The following GPC5 variants were observed in gnomAD, a reference collection of about 807,000 sequenced individuals.
The protein encoded by GPC5 is glypican 5.
A neutral mutation model predicts 53.9 loss-of-function variants in GPC5; 47 were observed. The observed-to-expected ratio is 0.87, with a 90% CI of 0.69 to 1.11. The LOEUF is 1.11. Ranked by LOEUF, GPC5 falls within the 50% of genes most tolerant of loss-of-function variation. The probability of loss-of-function intolerance (pLI) is 0.00; values close to 1 mark genes in which losing one functional copy is unlikely to be tolerated. For synonymous variants in GPC5, 286 were observed against 263.3 expected, an observed-to-expected ratio of 1.09 and a Z score of -0.84; for missense variants, 748 against 713.1, an observed-to-expected ratio of 1.05 and a Z score of -0.56.
chr13:92,189,354 T>G (rs1481093878), intron 7 of GPC5, among the ~76,000 whole-genome samples: 1 of 152,106 alleles, frequency 6.6e-6, no homozygotes, highest in Non-Finnish European at 1.5e-5. Flanking sequence ...GTCTCCCAAG[T>G]GGGGCAAGGG....
chr13:91,662,738 A>G (rs745639114), intron 2 of GPC5, among the ~76,000 whole-genome samples: 3 of 152,062 alleles, frequency 2.0e-5, no homozygotes, highest in Non-Finnish European at 2.9e-5. Context: ...TGTGCTCATT[A>G]TTACCATATT....
intron 7 of GPC5, among the ~76,000 whole-genome samples, chr13:92,521,666 T>C (rs1312870227): frequency 6.6e-6 from 1 of 152,060 alleles, no homozygotes; most frequent in Non-Finnish European, 1.5e-5. Flanking sequence ...CCTAAAACCA[T>C]AAAAACCCTA....
At chr13:92,771,692 G>C (rs1175362252) in intron 7 of GPC5, among the ~76,000 whole-genome samples, 1 of 152,012 alleles carries the variant, frequency 6.6e-6, no homozygotes, top group African/African-American at 2.4e-5. Flanking sequence ...ACCTCTAGAC[G>C]ACAATTTTGC....
chr13:92,773,515 T>C (rs1875686074), intron 7 of GPC5, among the ~76,000 whole-genome samples: 3 of 152,198 alleles, frequency 2.0e-5, no homozygotes, highest in Admixed American at 2.0e-4. Flanking sequence ...CCAATGATTA[T>C]CTATATCTTT....
At chr13:92,481,518 T>C (rs1428176380) in intron 7 of GPC5, among the ~76,000 whole-genome samples, 1 of 152,206 alleles carries the variant, frequency 6.6e-6, no homozygotes, top group Admixed American at 6.5e-5. Context: ...TTTGTCACTT[T>C]GTATCCGGAA....
At chr13:92,648,892 G>T (rs927915326) in intron 7 of GPC5, among the ~76,000 whole-genome samples, 67 of 152,210 alleles carry the variant, frequency 4.4e-4, no homozygotes, top group African/African-American at 1.5e-3. Flanking sequence ...AGCATTACAT[G>T]TGAGCTTCCA....
At chr13:92,646,630 C>A (rs907830454) in intron 7 of GPC5, among the ~76,000 whole-genome samples, 1 of 151,834 alleles carries the variant, frequency 6.6e-6, no homozygotes, top group Non-Finnish European at 1.5e-5. Flanking sequence ...AATATTTAGT[C>A]TTTTATTCCA....
intron 6 of GPC5, among the ~76,000 whole-genome samples, chr13:92,001,654 AAATTT>A (rs2040555957): frequency 6.6e-6 from 1 of 152,224 alleles, no homozygotes; most frequent in African/African-American, 2.4e-5. Flanking sequence ...GATACTGAAG[AAATTT>A]AATTTAAATG....
At chr13:92,224,050 T>TA (rs2042467374) in intron 7 of GPC5, among the ~76,000 whole-genome samples, 1 of 152,106 alleles carries the variant, frequency 6.6e-6, no homozygotes, top group South Asian at 2.1e-4. Flanking sequence ...AACAACACTA[T>TA]AAAAACTGTT....
At chr13:92,579,752 A>G (rs914978303) in intron 7 of GPC5, among the ~76,000 whole-genome samples, 2 of 152,168 alleles carry the variant, frequency 1.3e-5, no homozygotes, top group African/African-American at 2.4e-5. Flanking sequence ...TACATCATCT[A>G]GCTAATATCT....
intron 7 of GPC5, among the ~76,000 whole-genome samples, chr13:92,239,657 A>G (rs1421931303): frequency 1.3e-5 from 2 of 152,018 alleles, no homozygotes; most frequent in Admixed American, 1.3e-4. Flanking sequence ...AATATATCAG[A>G]TTCATTATAT....
chr13:92,453,966 A>G (rs1291278172), intron 7 of GPC5, among the ~76,000 whole-genome samples: 1 of 152,212 alleles, frequency 6.6e-6, no homozygotes, highest in African/African-American at 2.4e-5. Context: ...GTCTGATTTT[A>G]TCCATCTGGT....
At chr13:92,061,098 A>AC (rs5805727) in intron 6 of GPC5, among the ~76,000 whole-genome samples, 84,811 of 151,640 alleles carry the variant, frequency 0.56, 24,136 homozygotes, top group East Asian at 0.79. Context: ...GGGTGCTGTT[A>AC]GATAATACAT....
intron 2 of GPC5, among the ~76,000 whole-genome samples, chr13:91,521,696 A>G (rs1424451405): frequency 2.0e-5 from 3 of 152,230 alleles, no homozygotes; most frequent in African/African-American, 7.2e-5. Flanking sequence ...CACCAACAAG[A>G]AAGCAATCAG....
At chr13:91,720,661 A>G (rs2036443810) in intron 3 of GPC5, among the ~76,000 whole-genome samples, 1 of 152,136 alleles carries the variant, frequency 6.6e-6, no homozygotes, top group African/African-American at 2.4e-5. Flanking sequence ...CTAACAGCAT[A>G]TTGGACAGCT....
intron 7 of GPC5, among the ~76,000 whole-genome samples, chr13:92,481,050 A>G (rs1269752041): frequency 6.6e-6 from 1 of 152,096 alleles, no homozygotes; most frequent in African/African-American, 2.4e-5. Context: ...AGTGGGTTCT[A>G]CTTCAGGCTT....
chr13:92,223,788 A>G (rs1427630841), intron 7 of GPC5, among the ~76,000 whole-genome samples: 2 of 152,172 alleles, frequency 1.3e-5, no homozygotes, highest in East Asian at 3.8e-4. Context: ...TCAAACTTTT[A>G]AGGAACAAAA....
Position 91,907,398 on chromosome 13 carries a change from G to C in GPC5, c.1281-539G>C, listed in dbSNP as rs1461263694. 2.2e-5 allele frequency among the ~76,000 whole-genome samples: 3 copies of C among 139,052 alleles called. No individual in the cohort carries two copies. In the South Asian group the frequency reaches 7.1e-4, roughly 33 times the overall value. The allele number at this position is 139,052 out of a possible 152,430, so 91.2% of individuals were successfully genotyped here. A position where few individuals can be genotyped will look rare whatever the true frequency, so the allele number is the denominator to read the frequency against. ...GGAAATATATATATAATATATATTA[G>C]GCTAAGATATATGTACATGTATATA... On this transcript the variant is annotated intron_variant, in intron 5 of 7. Transcript: ENST00000377067.
intron 6 of GPC5, among the ~76,000 whole-genome samples, chr13:92,079,359 C>A (rs575558110): frequency 1.3e-5 from 2 of 152,184 alleles, no homozygotes; most frequent in African/African-American, 4.8e-5. Flanking sequence ...CAGGATCTCA[C>A]TTCTTGAGTC....
Sources: allele counts gnomAD v4.1 joint callset (sites outside exome capture counted in the v4.1 genomes callset), GRCh38; gene constraint gnomAD v4.1.1; transcripts MANE v1.5; gene names NCBI Gene and HGNC (gene_info 2026-07-23, HGNC 2026-07-21).